Variants in SORCS3 observed in about 807,000 individuals in gnomAD.
SORCS3 encodes sortilin related VPS10 domain containing receptor 3.
A neutral mutation model predicts 146.3 loss-of-function variants in SORCS3; 57 were observed. The observed-to-expected ratio is 0.39, with a 90% CI of 0.31 to 0.49. The LOEUF is 0.49. Ranked by LOEUF, SORCS3 falls within the 20% of genes least tolerant of loss-of-function variation. The probability of loss-of-function intolerance (pLI) is 0.92; values close to 1 mark genes in which losing one functional copy is unlikely to be tolerated. For synonymous variants in SORCS3, 653 were observed against 618.5 expected (o/e 1.06, Z -0.83); for missense variants, 1,341 against 1,575.5 (o/e 0.85, Z 2.52).
At chr10:105,174,628 A>C (rs1440297270) in intron 13 of SORCS3, among the ~76,000 whole-genome samples, 1 of 152,080 alleles carries the variant, frequency 6.6e-6, no homozygotes, top group Admixed American at 6.6e-5. Flanking sequence ...CTAGCTCTAG[A>C]GTCCTGCCCA....
chr10:104,794,133 G>A (rs749649585), intron 1 of SORCS3, among the ~76,000 whole-genome samples: 1 of 152,146 alleles, frequency 6.6e-6, no homozygotes, highest in Non-Finnish European at 1.5e-5. Flanking sequence ...GAGTTTCTAA[G>A]ATCTCCCCAA....
intron 14 of SORCS3, 101 bp from the exon 15 acceptor site, chr10:105,199,897 AG>A (rs1201135454): frequency 7.4e-6 from 6 of 813,334 alleles, no homozygotes; most frequent in Non-Finnish European, 1.2e-5. Context: ...ACTAAAGTCC[AG>A]GCTGCAGTGA....
chr10:104,997,308 A>G (rs1466311279), intron 4 of SORCS3, among the ~76,000 whole-genome samples: 3 of 152,204 alleles, frequency 2.0e-5, no homozygotes, highest in Non-Finnish European at 4.4e-5. Context: ...TTTCGTATGA[A>G]CTAACCATTG....
chr10:104,921,157 G>C (rs1250107394), intron 3 of SORCS3, among the ~76,000 whole-genome samples: 1 of 152,162 alleles, frequency 6.6e-6, no homozygotes, highest in African/African-American at 2.4e-5. Flanking sequence ...AACATCCCTG[G>C]GTTCCCAGAA....
At chr10:104,915,725 T>A in intron 2 of SORCS3, 108 bp from the exon 3 acceptor site, 2 of 857,440 alleles carry the variant, frequency 2.3e-6, no homozygotes, top group South Asian at 1.4e-5. Flanking sequence ...CTCATATGAT[T>A]CGGGAAGAAA....
At chr10:104,942,710 A>G (rs1275696935) in intron 3 of SORCS3, among the ~76,000 whole-genome samples, 1 of 152,272 alleles carries the variant, frequency 6.6e-6, no homozygotes, top group African/African-American at 2.4e-5. Context: ...TAAGCAATGC[A>G]GAGCAAGTAT....
intron 5 of SORCS3, among the ~76,000 whole-genome samples, chr10:105,065,757 G>A (rs2055518721): frequency 6.6e-6 from 1 of 152,104 alleles, no homozygotes; most frequent in Admixed American, 6.5e-5. Flanking sequence ...TAAAAGACCA[G>A]ACCTAACTTG....
chr10:105,056,532 C>T (rs558664577), intron 5 of SORCS3, among the ~76,000 whole-genome samples: 1 of 152,154 alleles, frequency 6.6e-6, no homozygotes, highest in Non-Finnish European at 1.5e-5. Flanking sequence ...GGACATTCAT[C>T]TTTTGTGCAA....
chr10:104,739,895 A>G (rs1222557914), intron 1 of SORCS3, among the ~76,000 whole-genome samples: 1 of 152,202 alleles, frequency 6.6e-6, no homozygotes, highest in Non-Finnish European at 1.5e-5. Flanking sequence ...GCTAATTTTC[A>G]GGTTCTGTGT....
chr10:104,712,130 C>A (rs1367344894), intron 1 of SORCS3, among the ~76,000 whole-genome samples: 1 of 152,080 alleles, frequency 6.6e-6, no homozygotes, highest in Non-Finnish European at 1.5e-5. Flanking sequence ...GCTCATTCTT[C>A]CCACTTTACA....
chr10:105,068,766 C>T (rs530592343), intron 5 of SORCS3, among the ~76,000 whole-genome samples: 7 of 152,232 alleles, frequency 4.6e-5, no homozygotes, highest in African/African-American at 1.7e-4. Flanking sequence ...TCAAGGTTAT[C>T]AGTAAAATGA....
intron 4 of SORCS3, among the ~76,000 whole-genome samples, chr10:104,992,996 G>A (rs1374671754): frequency 1.3e-5 from 2 of 151,792 alleles, no homozygotes. Context: ...TTATGGGGCT[G>A]GAAAGAAAGG....
At chr10:105,011,113 T>C (rs2055133723) in intron 4 of SORCS3, among the ~76,000 whole-genome samples, 1 of 152,206 alleles carries the variant, frequency 6.6e-6, no homozygotes, top group Non-Finnish European at 1.5e-5. Flanking sequence ...TGTTGTTCTT[T>C]AGATAGGAAA....
At chr10:105,051,463 G>T (rs2055412374) in intron 5 of SORCS3, among the ~76,000 whole-genome samples, 1 of 152,036 alleles carries the variant, frequency 6.6e-6, no homozygotes, top group Admixed American at 6.6e-5. Context: ...TCAAAAGTGG[G>T]CTCCTTCTAT....
chr10:104,799,365 TA>T (rs371367668), intron 1 of SORCS3, among the ~76,000 whole-genome samples: 2,374 of 151,564 alleles, frequency 0.016, 58 homozygotes, highest in African/African-American at 0.054. Context: ...TATGCAGCCA[TA>T]AAAAAGGATG....
At chr10:105,013,898 G>A (rs2055149038) in intron 4 of SORCS3, among the ~76,000 whole-genome samples, 1 of 151,626 alleles carries the variant, frequency 6.6e-6, no homozygotes, top group Non-Finnish European at 1.5e-5. Context: ...AGGGTGTGTG[G>A]TTGGAGTGGG....
chr10:105,078,172 GA>G (rs1437665776), intron 5 of SORCS3, among the ~76,000 whole-genome samples: 1 of 152,124 alleles, frequency 6.6e-6, no homozygotes, highest in African/African-American at 2.4e-5. Context: ...TTAATTAAAT[GA>G]ATGAAATCTG....
At chr10:105,016,155 A>ATATATTTTTTTTTTTTTTTTTT (rs71482443) in intron 4 of SORCS3, among the ~76,000 whole-genome samples, 1 of 101,344 alleles carries the variant, frequency 9.9e-6, no homozygotes, top group Non-Finnish European at 1.9e-5. Context: ...ATATATATAT[A>ATATATTTTTTTTTTTTTTTTTT]TTTTTTTTTT....
intron 4 of SORCS3, among the ~76,000 whole-genome samples, chr10:105,037,002 C>T (rs2055310983): frequency 6.6e-6 from 1 of 152,128 alleles, no homozygotes; most frequent in African/African-American, 2.4e-5. Context: ...CGGGGAGATA[C>T]CTTGGCTTAA....
Sources: allele counts gnomAD v4.1 joint callset (sites outside exome capture counted in the v4.1 genomes callset), GRCh38; gene constraint gnomAD v4.1.1; transcripts MANE v1.5; gene names NCBI Gene and HGNC (gene_info 2026-07-23, HGNC 2026-07-21).